ARHGAP10: variants seen among roughly 807,000 people sequenced by gnomAD.
The protein encoded by ARHGAP10 is rho GTPase-activating protein 10.
Under a neutral mutation model 108.6 loss-of-function variants are expected in ARHGAP10, and 87 were observed. That is an observed-to-expected ratio of 0.80 (90% CI 0.67 to 0.96). ARHGAP10 has a LOEUF of 0.96. ARHGAP10 is among the 40% of genes least tolerant of loss of function. The pLI is 0.00. For missense variants in ARHGAP10, 939 were observed against 954.5 expected, an observed-to-expected ratio of 0.98 and a Z score of 0.21; for synonymous variants, 347 against 341.1, an observed-to-expected ratio of 1.02 and a Z score of -0.19.
chr4:148,033,014 G>T (rs973675672), intron 19 of ARHGAP10, among the ~76,000 whole-genome samples: 42 of 152,152 alleles, frequency 2.8e-4, no homozygotes, highest in Non-Finnish European at 1.3e-4. Context: ...ACAATACTTT[G>T]CATCCTTCAA....
intron 22 of ARHGAP10, among the ~76,000 whole-genome samples, chr4:148,069,588 T>C (rs1299408582): frequency 6.6e-6 from 1 of 152,196 alleles, no homozygotes; most frequent in East Asian, 1.9e-4. Flanking sequence ...CTTGCGCAAG[T>C]GTGTGGTGTG....
intron 3 of ARHGAP10, among the ~76,000 whole-genome samples, chr4:147,844,350 CTT>C (rs1351938546): frequency 1.3e-5 from 2 of 152,108 alleles, no homozygotes; most frequent in East Asian, 1.9e-4. Context: ...TAACTATACT[CTT>C]TTAGTTATTT....
At chr4:147,847,847 G>A (rs1031212901) in intron 4 of ARHGAP10, among the ~76,000 whole-genome samples, 1 of 152,182 alleles carries the variant, frequency 6.6e-6, no homozygotes, top group Admixed American at 6.5e-5. Flanking sequence ...GCCACAAGGA[G>A]CCTGAGATAT....
intron 18 of ARHGAP10, among the ~76,000 whole-genome samples, chr4:148,010,899 T>A (rs527330081): frequency 1.3e-5 from 2 of 152,324 alleles, no homozygotes; most frequent in Admixed American, 6.5e-5. Flanking sequence ...AATAGAAAAA[T>A]TGCCCCAATC....
At chr4:147,911,301 A>G (rs1031012644) in intron 12 of ARHGAP10, among the ~76,000 whole-genome samples, 2 of 152,132 alleles carry the variant, frequency 1.3e-5, no homozygotes, top group African/African-American at 2.4e-5. Context: ...AGAGCCAAGG[A>G]TTAGTGTTAC....
At chr4:148,004,838 C>G (rs994580157) in intron 18 of ARHGAP10, among the ~76,000 whole-genome samples, 29 of 152,352 alleles carry the variant, frequency 1.9e-4, no homozygotes, top group African/African-American at 6.7e-4. Context: ...TGCTTAGCCT[C>G]TGGACCCATG....
intron 1 of ARHGAP10, among the ~76,000 whole-genome samples, chr4:147,797,292 C>T (rs947672720): frequency 2.6e-5 from 4 of 152,108 alleles, no homozygotes; most frequent in Admixed American, 2.0e-4. Context: ...AACCTCTTAG[C>T]CAGGTCTTTA....
chr4:148,006,426 G>A (rs1203020477), intron 18 of ARHGAP10, among the ~76,000 whole-genome samples: 7 of 152,184 alleles, frequency 4.6e-5, no homozygotes, highest in Non-Finnish European at 4.4e-5. Flanking sequence ...GCTATTTCCC[G>A]TCTTTTGCCT....
chr4:147,820,277 GTTATT>G (rs1227204497), intron 1 of ARHGAP10, among the ~76,000 whole-genome samples: 1 of 152,104 alleles, frequency 6.6e-6, no homozygotes, highest in Non-Finnish European at 1.5e-5. Context: ...TAGGAACTAA[GTTATT>G]TTATTTATTT....
chr4:147,939,727 T>A, intron 13 of ARHGAP10, 98 bp from the exon 14 acceptor site: 1 of 1,034,624 alleles, frequency 9.7e-7, no homozygotes. Context: ...ACAGGAATGC[T>A]GCTAATGTTA....
At chr4:147,944,124 A>T (rs560980286) in intron 14 of ARHGAP10, among the ~76,000 whole-genome samples, 1 of 152,330 alleles carries the variant, frequency 6.6e-6, no homozygotes, top group South Asian at 2.1e-4. Flanking sequence ...TAAATAATTG[A>T]TTTAATGAGA....
chr4:147,865,547 A>G (rs577047515), intron 6 of ARHGAP10: 3 of 152,092 alleles, frequency 2.0e-5, no homozygotes, highest in Admixed American at 2.0e-4. Context: ...TGTATATATC[A>G]TAATGTAAAG....
intron 19 of ARHGAP10, among the ~76,000 whole-genome samples, chr4:148,026,665 T>A (rs547791700): frequency 0.015 from 2,252 of 152,336 alleles, 25 homozygotes; most frequent in Non-Finnish European, 0.022. Flanking sequence ...TTTCTTAAAT[T>A]AGAGCAGCTG....
chr4:147,797,355 T>C (rs938886584), intron 1 of ARHGAP10, among the ~76,000 whole-genome samples: 1 of 152,190 alleles, frequency 6.6e-6, no homozygotes, highest in Non-Finnish European at 1.5e-5. Context: ...GCCACCATTT[T>C]ACTGTGTGCA....
chr4:147,906,671 C>G lies in ARHGAP10; in HGVS notation c.1068C>G (p.Ser356=). 1 of 1,613,932 alleles carries G rather than the reference C, an allele frequency of 6.2e-7. No individual in the cohort carries two copies. The highest frequency in any genetic ancestry group is 8.5e-7 in the Non-Finnish European group (1 of 1,179,990). Residue 356 remains serine (S), a synonymous_variant, in exon 11 of 23, where the codon TCC becomes TCG. Coordinates refer to ENST00000336498, the MANE Select transcript of ARHGAP10 (RefSeq NM_024605.4). ...TTTCCTTGACCATGCAGGCATTTTC[C>G]GAAGAGGAAAGGAAGCAGTGGTTGG... ...PGVSLTMQAF[S]EEERKQWLEA...
At chr4:147,961,954 G>A (rs1164090815) in intron 16 of ARHGAP10, among the ~76,000 whole-genome samples, 1 of 152,128 alleles carries the variant, frequency 6.6e-6, no homozygotes, top group East Asian at 1.9e-4. Flanking sequence ...CATCTTTGGA[G>A]CCCTTTTCCC....
At chr4:147,808,992 G>T (rs1456760254) in intron 1 of ARHGAP10, 1 of 152,296 alleles carries the variant, frequency 6.6e-6, no homozygotes, top group East Asian at 1.9e-4. Flanking sequence ...GATCTCTTGA[G>T]CCCAGGAGTT....
At chr4:147,810,601 C>A (rs2126771520) in intron 1 of ARHGAP10, among the ~76,000 whole-genome samples, 1 of 152,300 alleles carries the variant, frequency 6.6e-6, no homozygotes, top group African/African-American at 2.4e-5. Flanking sequence ...TCAGGCTCAG[C>A]TGGAGAATGT....
chr4:148,065,979 C>CAAAAAAA lies in ARHGAP10; in HGVS notation c.2272+1483_2272+1489dup, dbSNP rs34551897. Among the ~76,000 whole-genome samples, 34 of 98,440 alleles carry CAAAAAAA rather than the reference C, an allele frequency of 3.5e-4. 1 individual carries two copies. The highest frequency in any genetic ancestry group is 1.1e-3 in the African/African-American group (27 of 23,916). The allele number at this position is 98,440 out of a possible 152,430, so 64.6% of individuals were successfully genotyped here. A position where few individuals can be genotyped will look rare whatever the true frequency, so the allele number is the denominator to read the frequency against. On this transcript the variant is annotated intron_variant, in intron 22 of 22. Coordinates refer to ENST00000336498, the MANE Select transcript of ARHGAP10 (RefSeq NM_024605.4). ...TGGATAACACAGTGAGACCCCATCT[C>CAAAAAAA]AAAAAAAAAAAAAAAAAGGGTTGAG... is the stretch of plus-strand genomic sequence containing the variant.
Sources: gnomAD v4.1 joint callset for allele counts (sites outside exome capture counted in the v4.1 genomes callset) on GRCh38, gnomAD v4.1.1 for gene constraint, MANE v1.5 for transcripts, NCBI Gene and HGNC (gene_info 2026-07-23, HGNC 2026-07-21) for gene names.